The following KLRG2 variants were observed in gnomAD, a reference collection of about 807,000 sequenced individuals.
The protein encoded by KLRG2 is killer cell lectin like receptor G2, also known as killer cell lectin-like receptor subfamily G member 2.
A neutral mutation model predicts 35.4 loss-of-function variants in KLRG2; 39 were observed. That is an observed-to-expected ratio of 1.10 (90% CI 0.85 to 1.44). The LOEUF (loss-of-function observed/expected upper bound fraction) is 1.44, where lower values mean the gene tolerates loss of function less well. Ranked by LOEUF, KLRG2 falls within the 40% of genes most tolerant of loss-of-function variation. The pLI is 0.00. For synonymous variants in KLRG2, 283 were observed against 265.8 expected (o/e 1.06, Z -0.63); for missense variants, 632 against 570.9 (o/e 1.11, Z -1.09).
the KLRG2 span, among the ~76,000 whole-genome samples, chr7:139,428,827 A>T: frequency 2.6e-5 from 4 of 151,260 alleles, no homozygotes; most frequent in African/African-American, 9.8e-5. Context: ...GATAAGTGCT[A>T]AAGTATTTAA....
chr7:139,441,870 A>C, the KLRG2 span, among the ~76,000 whole-genome samples: 1 of 152,228 alleles, frequency 6.6e-6, no homozygotes, highest in African/African-American at 2.4e-5. Context: ...ACACAGCAGA[A>C]GACTTCCTGT....
chr7:139,467,988 AG>A (rs1156516753), intron 3 of KLRG2, among the ~76,000 whole-genome samples: 2 of 152,232 alleles, frequency 1.3e-5, no homozygotes, highest in African/African-American at 4.8e-5. Flanking sequence ...AAACCGCCTT[AG>A]GGCTGGAGGT....
At chr7:139,444,596 C>A in the KLRG2 span, among the ~76,000 whole-genome samples, 1 of 152,220 alleles carries the variant, frequency 6.6e-6, no homozygotes, top group Non-Finnish European at 1.5e-5. Flanking sequence ...TGGCCATCTG[C>A]AAGGCAAGAG....
At chr7:139,474,329 G>A (rs1796812162) in intron 3 of KLRG2, among the ~76,000 whole-genome samples, 1 of 152,090 alleles carries the variant, frequency 6.6e-6, no homozygotes, top group Non-Finnish European at 1.5e-5. Context: ...CCCCACCTTG[G>A]CTCAGACTTC....
chr7:139,480,735 G>A (rs1023096520), intron 1 of KLRG2, among the ~76,000 whole-genome samples: 2 of 140,006 alleles, frequency 1.4e-5, no homozygotes, highest in Non-Finnish European at 3.0e-5. Context: ...GTGAGCCAAC[G>A]CGTCTGGCCC....
At position 139,453,620 on chromosome 7, in the gene KLRG2, T is replaced by C; in HGVS notation, c.1197A>G (p.Pro399=). The change falls in exon 5 of 5, where the codon CCA becomes CCG. Residue 399 remains proline (P), a synonymous_variant. Coordinates refer to ENST00000340940, the MANE Select transcript of KLRG2 (RefSeq NM_198508.4). ...GTLVAANCST[P]RPWVCAKGTQ is the part of the protein sequence containing the mutation. ...TCCCCTTGGCACAGACCCAGGGTCTTGGAGTGCTGCAGTTTGCAGCCACCA... is the reference window on the plus strand; with the variant it reads ...TCCCCTTGGCACAGACCCAGGGTCTCGGAGTGCTGCAGTTTGCAGCCACCA... The C allele has an allele frequency of 6.2e-7, 1 of 1,612,176 alleles. No individual in the cohort carries two copies. Among genetic ancestry groups the C allele is most frequent in the Non-Finnish European group, 8.5e-7 (1 of 1,179,304 alleles).
the KLRG2 span, among the ~76,000 whole-genome samples, chr7:139,438,211 C>T: frequency 6.6e-6 from 1 of 152,174 alleles, no homozygotes; most frequent in Non-Finnish European, 1.5e-5. Flanking sequence ...GCCAAACAAA[C>T]GTGTATTGTT....
At chr7:139,434,205 G>A in the KLRG2 span, among the ~76,000 whole-genome samples, 1 of 152,236 alleles carries the variant, frequency 6.6e-6, no homozygotes, top group African/African-American at 2.4e-5. Flanking sequence ...TGCTTGTCAA[G>A]TACATCCTTT....
chr7:139,451,507 ATT>A (rs1159845732), downstream of KLRG2, among the ~76,000 whole-genome samples: 12 of 148,466 alleles, frequency 8.1e-5, no homozygotes, highest in Non-Finnish European at 1.5e-5. Context: ...TCAAAAAAAA[ATT>A]TTTTTTTTTG....
At chr7:139,478,364 C>CAAA (rs35355853) in intron 3 of KLRG2, among the ~76,000 whole-genome samples, 2 of 95,412 alleles carry the variant, frequency 2.1e-5, no homozygotes, top group African/African-American at 4.1e-5. Flanking sequence ...GGACCTGTTT[C>CAAA]AAAAAAAAAA....
chr7:139,436,799 T>A, the KLRG2 span, among the ~76,000 whole-genome samples: 1 of 152,238 alleles, frequency 6.6e-6, no homozygotes, highest in Non-Finnish European at 1.5e-5. Context: ...GGAAATTCCA[T>A]GCGCTCTATA....
the KLRG2 span, among the ~76,000 whole-genome samples, chr7:139,429,198 C>A: frequency 6.6e-6 from 1 of 152,086 alleles, no homozygotes; most frequent in African/African-American, 2.4e-5. Context: ...TGCAACTACT[C>A]TGGAGGCTGA....
intron 3 of KLRG2, among the ~76,000 whole-genome samples, chr7:139,467,254 CATTTT>C (rs1796675890): frequency 1.3e-5 from 2 of 152,114 alleles, no homozygotes; most frequent in Non-Finnish European, 2.9e-5. Context: ...ACCACTATTT[CATTTT>C]ATTTTTCTTA....
chr7:139,473,294 T>A lies in KLRG2; in HGVS notation c.1005+6333A>T, dbSNP rs552315044. Among the ~76,000 whole-genome samples, 11 of 151,824 alleles carry A rather than the reference T, an allele frequency of 7.2e-5. No homozygotes were observed. In the East Asian group the frequency reaches 2.1e-3, roughly 29 times the overall value. On this transcript the variant is annotated intron_variant, in intron 3 of 4. Coordinates refer to ENST00000340940, the MANE Select transcript of KLRG2 (RefSeq NM_198508.4). Reference sequence around the variant, plus strand: ...AGACTCTGTCTAAAATAAAATAAAATAAAGATAAAAATAAATAAATAAAAA... The same window carrying A: ...AGACTCTGTCTAAAATAAAATAAAAAAAAGATAAAAATAAATAAATAAAAA...
chr7:139,472,862 A>G (rs745581778), intron 3 of KLRG2, among the ~76,000 whole-genome samples: 42 of 152,218 alleles, frequency 2.8e-4, no homozygotes, highest in Non-Finnish European at 1.2e-4. Context: ...CTCCACCCCC[A>G]GCCCAAAGAT....
At chr7:139,446,731 G>A in the KLRG2 span, among the ~76,000 whole-genome samples, 5 of 151,516 alleles carry the variant, frequency 3.3e-5, no homozygotes, top group South Asian at 2.1e-4. Context: ...GAGTCCTCCC[G>A]CCTCCTCCGA....
At chr7:139,475,805 C>T (rs915898462) in intron 3 of KLRG2, among the ~76,000 whole-genome samples, 1 of 152,134 alleles carries the variant, frequency 6.6e-6, no homozygotes, top group African/African-American at 2.4e-5. Context: ...GTTCCAGAGG[C>T]CTGGACTTGC....
rs183771102 is a variant in KLRG2, at chr7:139,454,173, C to T, written c.1047G>A (p.Val349=). 1 of 1,544,778 alleles carries T rather than the reference C, an allele frequency of 6.5e-7. No individual in the cohort carries two copies. Among genetic ancestry groups the T allele is most frequent in the East Asian group, 2.4e-5 (1 of 40,838 alleles). Residue 349 remains valine (V), a synonymous_variant, in exon 4 of 5, where the codon GTG becomes GTA. Coordinates refer to ENST00000340940, the MANE Select transcript of KLRG2 (RefSeq NM_198508.4). ...AGCCCTGGGGGCCTCGCCAGGCCCCCACCCAGGAGTGCCTGGAGACTGGGT... is the reference window on the plus strand; with the variant it reads ...AGCCCTGGGGGCCTCGCCAGGCCCCTACCCAGGAGTGCCTGGAGACTGGGT... ...GRYPVSRHSW[V]GAWRGPQGWH...
chr7:139,441,070 C>T, the KLRG2 span, among the ~76,000 whole-genome samples: 3 of 152,254 alleles, frequency 2.0e-5, no homozygotes, highest in East Asian at 1.9e-4. Context: ...ATGGCAAAAA[C>T]GCTGTCTCTA....
Sources: gnomAD v4.1 joint callset for allele counts (sites outside exome capture counted in the v4.1 genomes callset) on GRCh38, gnomAD v4.1.1 for gene constraint, MANE v1.5 for transcripts, NCBI Gene and HGNC (gene_info 2026-07-23, HGNC 2026-07-21) for gene names.